RPS6KA6: variants seen among roughly 807,000 people sequenced by gnomAD.
RPS6KA6 encodes ribosomal protein S6 kinase alpha-6.
Under a neutral mutation model 65.4 loss-of-function variants are expected in RPS6KA6, and 27 were observed. That is an observed-to-expected ratio of 0.41 (90% CI 0.30 to 0.57). RPS6KA6 has a LOEUF of 0.57. RPS6KA6 is among the 20% of genes least tolerant of loss of function. The pLI is 0.24. For synonymous variants in RPS6KA6, 190 were observed against 184.2 expected, an observed-to-expected ratio of 1.03 and a Z score of -0.26; for missense variants, 486 against 555.6, an observed-to-expected ratio of 0.87 and a Z score of 1.26.
chrX:84,130,569 T>G (rs1304628811), intron 8 of RPS6KA6, among the ~76,000 whole-genome samples: 1 of 111,947 alleles, frequency 8.9e-6, no homozygotes, highest in Non-Finnish European at 1.9e-5. Context: ...ACAGTGGCTT[T>G]ATTCATCATT....
chrX:84,065,232 CA>C, intron 20 of RPS6KA6, 121 bp from the exon 21 acceptor site: 1 of 448,862 alleles, frequency 2.2e-6, no homozygotes, highest in Non-Finnish European at 3.7e-6. Context: ...TACATTTATG[CA>C]AAGTAAAATC....
In RPS6KA6 at chrX:84,061,925, C is replaced by A. The variant is rs1188768346; in HGVS notation, c.*2352G>T. On this transcript the variant is annotated 3_prime_UTR_variant, in exon 22 of 22. Transcript: ENST00000262752. ...AGCCAAACTGGACAGGATTAGGCAT[C>A]CTTACCTGGGCTCCTTCTACAAAAT... 1.3e-4 allele frequency: 14 copies of A among 111,525 alleles called. No homozygotes were observed. The highest frequency in any genetic ancestry group is 2.5e-4 in the Non-Finnish European group (13 of 52,999). 9.2% of individuals were successfully genotyped at this position (111,525 alleles called of 1,213,427 possible).
Position 84,164,812 on chromosome X carries a change from C to G in RPS6KA6, c.82-425G>C, listed in dbSNP as rs181597609. On this transcript the variant is annotated intron_variant, in intron 1 of 21. Coordinates refer to ENST00000262752, the MANE Select transcript of RPS6KA6 (RefSeq NM_014496.5). ...CACTGTTGTGAATTCCTCTTTCATT[C>G]AGTTAATTAAACATCATGACATACT... Among the ~76,000 whole-genome samples, 58 of 111,462 alleles carry G rather than the reference C, an allele frequency of 5.2e-4. 1 individual carries two copies. Among genetic ancestry groups the G allele is most frequent in the Admixed American group, 5.1e-3 (53 of 10,475 alleles).
intron 12 of RPS6KA6, among the ~76,000 whole-genome samples, chrX:84,112,312 G>C (rs2034483932): frequency 9.0e-6 from 1 of 111,545 alleles, no homozygotes; most frequent in African/African-American, 3.3e-5. Flanking sequence ...ACTTAAACTG[G>C]ACTCTAGACC....
At chrX:84,101,930 G>C in intron 18 of RPS6KA6, 107 bp downstream of exon 18, 1 of 633,577 alleles carries the variant, frequency 1.6e-6, no homozygotes, top group Non-Finnish European at 2.3e-6. Context: ...AACTGAAAAG[G>C]GCAAGGTAAC....
chrX:84,149,246 A>G (rs1033661417), intron 3 of RPS6KA6, among the ~76,000 whole-genome samples: 11 of 111,640 alleles, frequency 9.9e-5, no homozygotes, highest in African/African-American at 3.6e-4. Flanking sequence ...ATTTCCTCCA[A>G]TGATGTCTTG....
Position 84,182,452 on chromosome X carries a change from A to G in RPS6KA6, c.81+5367T>C, listed in dbSNP as rs191173925. Among the ~76,000 whole-genome samples, 47 of 111,760 alleles carry G rather than the reference A, an allele frequency of 4.2e-4. No individual in the cohort carries two copies. The East Asian group carries it at 6.5e-3, about 15-fold the overall frequency. Reference sequence around the variant, plus strand: ...TTAAGAACCGCTGCTACATACAATGATAGCACCAAGAAAGAAATTACAGGA... The same window carrying G: ...TTAAGAACCGCTGCTACATACAATGGTAGCACCAAGAAAGAAATTACAGGA... On this transcript the variant is annotated intron_variant, in intron 1 of 21. Transcript: ENST00000262752.
At chrX:84,111,357 C>A (rs2147449007) in intron 12 of RPS6KA6, among the ~76,000 whole-genome samples, 1 of 111,151 alleles carries the variant, frequency 9.0e-6, no homozygotes, top group South Asian at 3.8e-4. Context: ...GAAGACACTA[C>A]AGAATACAAA....
At position 84,059,109 on chromosome X, in the gene RPS6KA6, C is replaced by CT. The variant is rs2033256975; in HGVS notation, c.*5167dup. 1.3e-4 allele frequency: 3 copies of CT among 22,447 alleles called. No individual in the cohort carries two copies. The highest frequency in any genetic ancestry group is 5.0e-4 in the Admixed American group (1 of 2,018). The allele number at this position is 22,447 out of a possible 1,213,427, so 1.8% of individuals were successfully genotyped here. A position where few individuals can be genotyped will look rare whatever the true frequency, so the allele number is the denominator to read the frequency against. On this transcript the variant is annotated 3_prime_UTR_variant, in exon 22 of 22. Transcript: ENST00000262752. ...TGTGTAACTTTTTAAATGGCTGTTTCTTTTCTTTTTTTTTTTTTTTTTTTT... is the reference window on the plus strand; with the variant it reads ...TGTGTAACTTTTTAAATGGCTGTTTCTTTTTCTTTTTTTTTTTTTTTTTTTT...
chrX:84,099,534 G>A (rs1365508751), intron 18 of RPS6KA6, among the ~76,000 whole-genome samples: 1 of 110,865 alleles, frequency 9.0e-6, no homozygotes, highest in Admixed American at 9.6e-5. Flanking sequence ...ATCAATTAAC[G>A]TTTGGGGCAA....
chrX:84,101,136 A>T (rs1002996988), intron 18 of RPS6KA6, among the ~76,000 whole-genome samples: 2 of 111,144 alleles, frequency 1.8e-5, no homozygotes, highest in East Asian at 5.6e-4. Flanking sequence ...TGACACATCA[A>T]TTTTTTCAAA....
intron 1 of RPS6KA6, among the ~76,000 whole-genome samples, chrX:84,170,497 G>A (rs1415924674): frequency 9.1e-6 from 1 of 109,962 alleles, no homozygotes; most frequent in Non-Finnish European, 1.9e-5. Context: ...GGGTGTGGCA[G>A]CATGCACTTG....
intron 20 of RPS6KA6, among the ~76,000 whole-genome samples, chrX:84,068,937 T>C (rs926302290): frequency 3.6e-5 from 4 of 111,843 alleles, no homozygotes; most frequent in Admixed American, 1.9e-4. Context: ...TGGAAAAACA[T>C]TCCATGCTCA....
intron 3 of RPS6KA6, among the ~76,000 whole-genome samples, chrX:84,149,027 C>T (rs1379576541): frequency 4.5e-5 from 5 of 111,885 alleles, no homozygotes; most frequent in Non-Finnish European, 3.8e-5. Flanking sequence ...AAGAAGTCTA[C>T]GTAATATTCT....
chrX:84,129,534 GAT>G (rs1487266811), intron 8 of RPS6KA6, among the ~76,000 whole-genome samples: 5 of 111,487 alleles, frequency 4.5e-5, no homozygotes, highest in African/African-American at 1.6e-4. Context: ...ACAATGAAGA[GAT>G]ATCTGTACTC....
intron 20 of RPS6KA6, among the ~76,000 whole-genome samples, chrX:84,080,797 C>A (rs754849300): frequency 9.0e-6 from 1 of 111,219 alleles, no homozygotes; most frequent in East Asian, 2.9e-4. Context: ...ACAGTGCAAT[C>A]AAACTGGAAC....
intron 12 of RPS6KA6, among the ~76,000 whole-genome samples, chrX:84,110,406 C>A (rs972244618): frequency 8.9e-6 from 1 of 112,035 alleles, no homozygotes; most frequent in Admixed American, 9.4e-5. Context: ...CCCCTCACCC[C>A]TCATGGGACA....
chrX:84,067,442 T>C (rs1345638890), intron 20 of RPS6KA6, among the ~76,000 whole-genome samples: 2 of 111,649 alleles, frequency 1.8e-5, no homozygotes, highest in East Asian at 2.8e-4. Context: ...AATGACCTGA[T>C]GGAGCTGAAA....
intron 9 of RPS6KA6, 102 bp from the exon 10 acceptor site, chrX:84,117,556 G>C (rs967987565): frequency 2.2e-6 from 1 of 459,988 alleles, no homozygotes; most frequent in Non-Finnish European, 3.4e-6. Context: ...TCATCAAATT[G>C]TAAGATCTAC....
Sources: allele counts gnomAD v4.1 joint callset (sites outside exome capture counted in the v4.1 genomes callset), GRCh38; gene constraint gnomAD v4.1.1; transcripts MANE v1.5; gene names NCBI Gene and HGNC (gene_info 2026-07-23, HGNC 2026-07-21).